Variants in MARCHF4 observed in about 807,000 individuals in gnomAD.
The protein encoded by MARCHF4 is E3 ubiquitin-protein ligase MARCHF4.
MARCHF4 carries 14 observed loss-of-function variants against 43.9 expected under a neutral mutation model. That is an observed-to-expected ratio of 0.32 (90% CI 0.21 to 0.50). MARCHF4 has a LOEUF of 0.50. MARCHF4 is among the 20% of genes least tolerant of loss of function. MARCHF4 has a pLI of 0.98. For synonymous variants in MARCHF4, 226 were observed against 213.3 expected, an observed-to-expected ratio of 1.06 and a Z score of -0.52; for missense variants, 468 against 536.7, an observed-to-expected ratio of 0.87 and a Z score of 1.27.
chr2:216,303,686 C>T (rs1336457540), intron 1 of MARCHF4: 6 of 152,106 alleles, frequency 3.9e-5, no homozygotes, highest in Admixed American at 2.6e-4. Flanking sequence ...CAGTCTGTCC[C>T]CTCCACCTGC....
At position 216,370,728 on chromosome 2, in the gene MARCHF4, G is replaced by A. The variant is rs1692746460; in HGVS notation, c.-468C>T. 6.5e-6 allele frequency: 1 copy of A among 153,818 alleles called. No individual in the cohort carries two copies. Among genetic ancestry groups the A allele is most frequent in the African/African-American group, 2.4e-5 (1 of 41,444 alleles). 9.5% of individuals were successfully genotyped at this position (153,818 alleles called of 1,614,324 possible). ...AATCTTTCTTTTATATAAAAGGGTGGGGACAATTGTAAATCAAATCTGGAG... is the reference window on the plus strand; with the variant it reads ...AATCTTTCTTTTATATAAAAGGGTGAGGACAATTGTAAATCAAATCTGGAG... On this transcript the variant is annotated 5_prime_UTR_variant, in exon 1 of 4. Coordinates refer to ENST00000273067, the MANE Select transcript of MARCHF4 (RefSeq NM_020814.3).
At chr2:216,288,871 T>C (rs914818117) in intron 1 of MARCHF4, among the ~76,000 whole-genome samples, 1 of 152,044 alleles carries the variant, frequency 6.6e-6, no homozygotes, top group African/African-American at 2.4e-5. Flanking sequence ...TCTTTCTCTA[T>C]TTGCATAAAA....
At chr2:216,324,940 A>G (rs1260580287) in intron 1 of MARCHF4, among the ~76,000 whole-genome samples, 1 of 150,892 alleles carries the variant, frequency 6.6e-6, no homozygotes, top group Non-Finnish European at 1.5e-5. Context: ...CTCCTATTCA[A>G]CATAGTGTTG....
chr2:216,276,434 A>C (rs1295064947), intron 3 of MARCHF4, among the ~76,000 whole-genome samples: 1 of 152,246 alleles, frequency 6.6e-6, no homozygotes, highest in Non-Finnish European at 1.5e-5. Context: ...TATAATTAAA[A>C]GACTCTTGAA....
chr2:216,273,862 T>A (rs1690979065), intron 3 of MARCHF4, among the ~76,000 whole-genome samples: 1 of 152,138 alleles, frequency 6.6e-6, no homozygotes, highest in Non-Finnish European at 1.5e-5. Context: ...GTAAATCTGG[T>A]TTGGGTGGCC....
At chr2:216,286,741 T>G (rs1240312230) in intron 1 of MARCHF4, among the ~76,000 whole-genome samples, 1 of 152,184 alleles carries the variant, frequency 6.6e-6, no homozygotes, top group African/African-American at 2.4e-5. Context: ...CCCATCATCT[T>G]TTTAGTGTTT....
intron 1 of MARCHF4, among the ~76,000 whole-genome samples, chr2:216,341,032 C>A (rs915825112): frequency 2.2e-4 from 33 of 152,172 alleles, no homozygotes; most frequent in African/African-American, 7.7e-4. Flanking sequence ...TCCTCCTCCC[C>A]TCACTCTCCT....
rs199684039 is a variant in MARCHF4, at chr2:216,277,762, T to A, written c.775A>T (p.Thr259Ser). 24 of 1,614,130 alleles carry A rather than the reference T, an allele frequency of 1.5e-5. No individual in the cohort carries two copies. Among genetic ancestry groups the A allele is most frequent in the Non-Finnish European group, 2.0e-5 (24 of 1,180,018 alleles). Residue 259 changes from threonine (T) to serine (S), a missense_variant, in exon 3 of 4, where the codon ACT becomes TCT. Thr to Ser is a moderately conservative substitution (Grantham distance 58, BLOSUM62 1). Transcript: ENST00000273067. ...TGCCATCTTGCCGAGGGGCTGAAAG[T>A]TGACCAGATGAGCCAAGAAATACTG... ...IASISWLIWS[T>S]FSPSARWQRQ...
At chr2:216,315,115 G>A (rs1042127199) in intron 1 of MARCHF4, among the ~76,000 whole-genome samples, 1 of 152,068 alleles carries the variant, frequency 6.6e-6, no homozygotes, top group Non-Finnish European at 1.5e-5. Context: ...TACTCCCAAA[G>A]AAGGGGAAAA....
intron 1 of MARCHF4, among the ~76,000 whole-genome samples, chr2:216,358,378 C>T (rs1340592259): frequency 1.3e-5 from 2 of 152,148 alleles, no homozygotes; most frequent in South Asian, 4.1e-4. Context: ...TTTTCTATTT[C>T]CCAAATTCTT....
intron 1 of MARCHF4, among the ~76,000 whole-genome samples, chr2:216,354,912 TTTCTTTCTTTCTTTC>T (rs1559106536): frequency 3.3e-5 from 3 of 90,488 alleles, no homozygotes; most frequent in African/African-American, 5.0e-5. Flanking sequence ...TCTTTCTTTC[TTTCTTTCTTTCTTTC>T]TTTCTTTCTT....
chr2:216,293,880 G>T (rs1691351361), intron 1 of MARCHF4, among the ~76,000 whole-genome samples: 1 of 134,650 alleles, frequency 7.4e-6, no homozygotes, highest in African/African-American at 2.5e-5. Flanking sequence ...GGAAAAAAAG[G>T]TCACGTTTAA....
At chr2:216,354,964 TTTC>T (rs1215814764) in intron 1 of MARCHF4, among the ~76,000 whole-genome samples, 31 of 144,622 alleles carry the variant, frequency 2.1e-4, no homozygotes, top group Non-Finnish European at 3.4e-4. Context: ...TCTTTCTTTC[TTTC>T]TTTCTTTCTT....
chr2:216,329,590 A>G (rs1313459775), intron 1 of MARCHF4, among the ~76,000 whole-genome samples: 6 of 151,258 alleles, frequency 4.0e-5, no homozygotes, highest in Non-Finnish European at 8.8e-5. Flanking sequence ...AAAAGAAGGC[A>G]AGAAAGGAGA....
At chr2:216,264,443 T>C (rs1006350492) in intron 3 of MARCHF4, among the ~76,000 whole-genome samples, 1 of 152,214 alleles carries the variant, frequency 6.6e-6, no homozygotes, top group Non-Finnish European at 1.5e-5. Flanking sequence ...TCTCTGCCAA[T>C]CTTTTGAATG....
At chr2:216,284,354 A>G (rs73064443) in intron 1 of MARCHF4, among the ~76,000 whole-genome samples, 2,837 of 152,324 alleles carry the variant, frequency 0.019, 92 homozygotes, top group African/African-American at 0.063. Context: ...TCAACTGAGC[A>G]AGATGGTGTG....
chr2:216,291,741 T>G (rs1203860956), intron 1 of MARCHF4, among the ~76,000 whole-genome samples: 2 of 152,248 alleles, frequency 1.3e-5, no homozygotes, highest in Non-Finnish European at 2.9e-5. Flanking sequence ...TCTATTGTTA[T>G]AAATATTTCA....
chr2:216,315,405 C>A (rs1472075807), intron 1 of MARCHF4, among the ~76,000 whole-genome samples: 1 of 152,168 alleles, frequency 6.6e-6, no homozygotes, highest in African/African-American at 2.4e-5. Context: ...TTCAACTCAG[C>A]AAGTCTGCTG....
chr2:216,344,896 C>T (rs1205590144), intron 1 of MARCHF4, among the ~76,000 whole-genome samples: 4 of 151,556 alleles, frequency 2.6e-5, no homozygotes, highest in Non-Finnish European at 4.4e-5. Context: ...GGAAGGAGGC[C>T]GGGTGCTTCT....
Sources: allele counts gnomAD v4.1 joint callset (sites outside exome capture counted in the v4.1 genomes callset), GRCh38; gene constraint gnomAD v4.1.1; transcripts MANE v1.5; gene names NCBI Gene and HGNC (gene_info 2026-07-23, HGNC 2026-07-21).